LINGO1: variants seen among roughly 807,000 people sequenced by gnomAD.
LINGO1 encodes leucine-rich repeat and immunoglobulin-like domain-containing nogo receptor-interacting protein 1.
A neutral mutation model predicts 37.3 loss-of-function variants in LINGO1; 11 were observed. The ratio of observed to expected loss-of-function variants is 0.29; its 90% CI spans 0.19 to 0.49. LINGO1 has a LOEUF of 0.49. Ranked by LOEUF, LINGO1 falls within the 20% of genes least tolerant of loss-of-function variation. The pLI, the probability that LINGO1 is intolerant of heterozygous loss-of-function variation, is 0.99. For synonymous variants in LINGO1, 387 were observed against 403.0 expected (o/e 0.96, Z 0.48); for missense variants, 585 against 878.2 (o/e 0.67, Z 4.22).
intron 1 of LINGO1, among the ~76,000 whole-genome samples, chr15:77,750,500 T>C (rs773695322): frequency 1.3e-5 from 2 of 152,182 alleles, no homozygotes; most frequent in Non-Finnish European, 2.9e-5. Context: ...CAAAGCAGCC[T>C]TCTCCCTGCT....
chr15:77,659,595 C>G (rs908849672), intron 3 of LINGO1, among the ~76,000 whole-genome samples: 37 of 152,286 alleles, frequency 2.4e-4, no homozygotes, highest in African/African-American at 7.7e-4. Flanking sequence ...CAGTTCAGAA[C>G]CATGTCACCT....
At chr15:77,803,738 G>A (rs1476248529) in intron 1 of LINGO1, among the ~76,000 whole-genome samples, 1 of 152,098 alleles carries the variant, frequency 6.6e-6, no homozygotes, top group Non-Finnish European at 1.5e-5. Context: ...ACCCTGTGAA[G>A]TGCCTGTTCC....
intron 3 of LINGO1, among the ~76,000 whole-genome samples, chr15:77,663,088 A>G (rs898568758): frequency 2.0e-5 from 3 of 152,226 alleles, no homozygotes; most frequent in Non-Finnish European, 4.4e-5. Context: ...TCCAGGGCTA[A>G]GTCTGCCCCA....
chr15:77,803,583 G>A (rs1169153068), intron 1 of LINGO1, among the ~76,000 whole-genome samples: 3 of 152,158 alleles, frequency 2.0e-5, no homozygotes, highest in Non-Finnish European at 4.4e-5. Flanking sequence ...TGTTGGAGGT[G>A]GGGCCTAGTG....
Position 77,672,000 on chromosome 15 carries a change from GCCTCCT to G in LINGO1, c.-13+5083_-13+5088del, listed in dbSNP as rs10559337. Among the ~76,000 whole-genome samples the G allele has an allele frequency of 4.4e-3, 637 of 145,658 alleles. 3 individuals carry two copies. Among genetic ancestry groups the G allele is most frequent in the East Asian group, 0.016 (81 of 5,082 alleles). On this transcript the variant is annotated intron_variant, in intron 3 of 3. Transcript: ENST00000559893. ...AAGACCAAACACATGATGAGCCTCTGCCTCCTCCTCCTCCTCCTCCTCCTCCTCCTC... is the reference window on the plus strand; with the variant it reads ...AAGACCAAACACATGATGAGCCTCTGCCTCCTCCTCCTCCTCCTCCTCCTC...
chr15:77,753,417 A>AGG (rs998023295), intron 1 of LINGO1, among the ~76,000 whole-genome samples: 4 of 152,200 alleles, frequency 2.6e-5, no homozygotes, highest in African/African-American at 9.7e-5. Flanking sequence ...TTCAGCTGGG[A>AGG]GGAGACTCTG....
intron 3 of LINGO1, among the ~76,000 whole-genome samples, chr15:77,669,120 G>T (rs2141198916): frequency 6.6e-6 from 1 of 152,386 alleles, no homozygotes; most frequent in African/African-American, 2.4e-5. Flanking sequence ...TGTGTGCACA[G>T]CTTCTGGCCT....
upstream of LINGO1, among the ~76,000 whole-genome samples, chr15:77,700,850 G>A (rs889902073): frequency 1.3e-5 from 2 of 152,126 alleles, no homozygotes; most frequent in Non-Finnish European, 2.9e-5. Context: ...TGCTATGTGC[G>A]GCCTGCTACC....
intron 2 of LINGO1, among the ~76,000 whole-genome samples, chr15:77,721,217 C>T (rs971014887): frequency 1.3e-5 from 2 of 152,130 alleles, no homozygotes. Flanking sequence ...GAGACCCGGC[C>T]CTAACCCCCT....
upstream of LINGO1, chr15:77,787,189 G>C (rs1179751272): frequency 6.6e-6 from 1 of 152,334 alleles, no homozygotes; most frequent in East Asian, 1.9e-4. Context: ...TGTGGCATGG[G>C]CACCAGGGAG....
intron 1 of LINGO1, among the ~76,000 whole-genome samples, chr15:77,773,597 A>G (rs1056809448): frequency 6.6e-6 from 1 of 152,042 alleles, no homozygotes; most frequent in Non-Finnish European, 1.5e-5. Flanking sequence ...GAAGGCAGGT[A>G]TGACTCCAGC....
At chr15:77,631,168 G>A (rs546737044) in intron 1 of LINGO1, among the ~76,000 whole-genome samples, 39 of 152,348 alleles carry the variant, frequency 2.6e-4, no homozygotes, top group African/African-American at 9.4e-4. Context: ...CTGGCATAAT[G>A]ACCAACAGGG....
At chr15:77,755,911 CA>C (rs1369569091) in intron 1 of LINGO1, among the ~76,000 whole-genome samples, 1 of 152,218 alleles carries the variant, frequency 6.6e-6, no homozygotes, top group Non-Finnish European at 1.5e-5. Flanking sequence ...AAGGCTGATC[CA>C]GCCCAATGTG....
At chr15:77,736,877 G>A (rs1361860268) in intron 1 of LINGO1, among the ~76,000 whole-genome samples, 2 of 152,200 alleles carry the variant, frequency 1.3e-5, no homozygotes. Flanking sequence ...TTACAGCCAG[G>A]GCATAGTGGA....
At chr15:77,789,696 T>C (rs2076803267), upstream of LINGO1, among the ~76,000 whole-genome samples, 1 of 152,190 alleles carries the variant, frequency 6.6e-6, no homozygotes, top group Non-Finnish European at 1.5e-5. Context: ...GGTAGCCATC[T>C]ACAAGCCAAG....
At chr15:77,636,574 C>A (rs1291343048), upstream of LINGO1, among the ~76,000 whole-genome samples, 1 of 152,070 alleles carries the variant, frequency 6.6e-6, no homozygotes, top group African/African-American at 2.4e-5. Context: ...CTCAGGTGGA[C>A]CCCGTGTTCT....
chr15:77,726,305 T>G (rs1199046458), intron 2 of LINGO1, among the ~76,000 whole-genome samples: 1 of 152,188 alleles, frequency 6.6e-6, no homozygotes, highest in Non-Finnish European at 1.5e-5. Flanking sequence ...GGAAGAAGCC[T>G]GCATCCCTGC....
intron 3 of LINGO1, among the ~76,000 whole-genome samples, chr15:77,649,860 G>A (rs775290062): frequency 3.3e-5 from 5 of 152,122 alleles, no homozygotes; most frequent in Non-Finnish European, 5.9e-5. Context: ...AAAGGGTGGA[G>A]ATCTTTTCCC....
intron 2 of LINGO1, among the ~76,000 whole-genome samples, chr15:77,690,482 A>C (rs1327749339): frequency 6.6e-6 from 1 of 152,178 alleles, no homozygotes; most frequent in Non-Finnish European, 1.5e-5. Context: ...GCACCGTTTG[A>C]CTCACTGGAT....
Sources: allele counts gnomAD v4.1 joint callset (sites outside exome capture counted in the v4.1 genomes callset), GRCh38; gene constraint gnomAD v4.1.1; transcripts MANE v1.5; gene names NCBI Gene and HGNC (gene_info 2026-07-23, HGNC 2026-07-21).